Variants in SLC26A5 observed in about 807,000 individuals in gnomAD.
SLC26A5 encodes the protein prestin.
In SLC26A5, 51 loss-of-function variants were observed where a neutral mutation model predicts 81.0. The ratio of observed to expected loss-of-function variants is 0.63; its 90% CI spans 0.50 to 0.80. The LOEUF (loss-of-function observed/expected upper bound fraction) is 0.80, where lower values mean the gene tolerates loss of function less well. Ranked by LOEUF, SLC26A5 falls within the 30% of genes least tolerant of loss-of-function variation. The probability of loss-of-function intolerance (pLI) is 0.00; values close to 1 mark genes in which losing one functional copy is unlikely to be tolerated. For missense variants in SLC26A5, 771 were observed against 905.8 expected (o/e 0.85, Z 1.91); for synonymous variants, 325 against 332.8 (o/e 0.98, Z 0.25).
At chr7:103,368,057 C>G in intron 19 of SLC26A5, 1 of 1,594,840 alleles carries the variant, frequency 6.3e-7, no homozygotes, top group South Asian at 1.1e-5. Flanking sequence ...ACAACTGAAC[C>G]CTGAAGGCTT....
At chr7:103,364,088 G>C in intron 19 of SLC26A5, 1 of 1,534,210 alleles carries the variant, frequency 6.5e-7, no homozygotes, top group Non-Finnish European at 8.9e-7. Flanking sequence ...TTTAGAAGTA[G>C]TCTGATTTTT....
In SLC26A5 at chr7:103,367,809, G is replaced by GGTAA. The variant is rs768392490; in HGVS notation, c.2041+8995_2041+8998dup. On this transcript the variant is annotated intron_variant, in intron 19 of 19. Coordinates refer to the SLC26A5 transcript ENST00000339444. The surrounding 1 kb of genome is among the most constrained non-coding windows in gnomAD (Gnocchi z 6.1). ...AGCACGACTGTGTCCAAATAGCACT[G>GGTAA]GTAAGTAGAAAGTTCTTGCTTATAT... 1.9e-6 allele frequency: 3 copies of GGTAA among 1,612,936 alleles called. No homozygotes were observed. Among genetic ancestry groups the GGTAA allele is most frequent in the Admixed American group, 1.7e-5 (1 of 59,900 alleles).
chr7:103,405,796 G>A (rs1345841066), intron 8 of SLC26A5, among the ~76,000 whole-genome samples: 1 of 152,174 alleles, frequency 6.6e-6, no homozygotes, highest in Non-Finnish European at 1.5e-5. Flanking sequence ...CTTCCCCCAG[G>A]TTCTCTGTCC....
chr7:103,369,518 A>G (rs1820905675), downstream of SLC26A5: 1 of 152,268 alleles, frequency 6.6e-6, no homozygotes, highest in Non-Finnish European at 1.5e-5. Flanking sequence ...GTGATAATTT[A>G]GGTCCATAAG....
At chr7:103,443,410 G>A (rs544212488) in intron 1 of SLC26A5, among the ~76,000 whole-genome samples, 199 bp from the exon 2 acceptor site, 4 of 152,298 alleles carry the variant, frequency 2.6e-5, no homozygotes, top group African/African-American at 7.2e-5. Context: ...CTTCCTAAGG[G>A]TGAACTGCTA....
chr7:103,380,158 T>C (rs907612272), intron 15 of SLC26A5, among the ~76,000 whole-genome samples: 1 of 152,210 alleles, frequency 6.6e-6, no homozygotes, highest in Non-Finnish European at 1.5e-5. Flanking sequence ...AAAATTATTT[T>C]ACCATTATAC....
At chr7:103,393,148 T>C (rs1822809596) in intron 9 of SLC26A5, 82 bp from the exon 10 acceptor site, 5 of 1,528,800 alleles carry the variant, frequency 3.3e-6, no homozygotes, top group Admixed American at 1.8e-5. Flanking sequence ...GGAAGCATTT[T>C]AGGGGGGCAT....
intron 2 of SLC26A5, among the ~76,000 whole-genome samples, chr7:103,428,504 T>C (rs1825848506): frequency 6.6e-6 from 1 of 152,010 alleles, no homozygotes; most frequent in South Asian, 2.1e-4. Flanking sequence ...GTTTGCTTTT[T>C]CTCTTAATTT....
chr7:103,414,189 C>T (rs948959354), intron 4 of SLC26A5, among the ~76,000 whole-genome samples: 2 of 136,282 alleles, frequency 1.5e-5, no homozygotes, highest in African/African-American at 5.6e-5. Context: ...TTTGCCCCCC[C>T]CTTTTTTTTT....
At chr7:103,361,324 C>T (rs1461522181) in intron 19 of SLC26A5, among the ~76,000 whole-genome samples, 1 of 147,450 alleles carries the variant, frequency 6.8e-6, no homozygotes, top group Non-Finnish European at 1.5e-5. Flanking sequence ...TCAAGAGAAA[C>T]CCCCTCTCTA....
At chr7:103,436,443 C>G (rs1826459381) in intron 2 of SLC26A5, among the ~76,000 whole-genome samples, 1 of 152,104 alleles carries the variant, frequency 6.6e-6, no homozygotes, top group African/African-American at 2.4e-5. Context: ...TCTAAACTAC[C>G]AATTAAACGT....
At chr7:103,434,673 A>C (rs983985835) in intron 2 of SLC26A5, among the ~76,000 whole-genome samples, 1 of 151,892 alleles carries the variant, frequency 6.6e-6, no homozygotes, top group African/African-American at 2.4e-5. Flanking sequence ...ATTTATTGAG[A>C]CAAAGTCTCA....
At chr7:103,417,105 C>T (rs901390117) in intron 4 of SLC26A5, among the ~76,000 whole-genome samples, 4 of 152,216 alleles carry the variant, frequency 2.6e-5, no homozygotes, top group Non-Finnish European at 5.9e-5. Flanking sequence ...GGCACAGTGG[C>T]TCACCCCTGT....
intron 1 of SLC26A5, among the ~76,000 whole-genome samples, chr7:103,444,570 G>A (rs898662901): frequency 1.3e-5 from 2 of 152,172 alleles, no homozygotes. Flanking sequence ...TTAGCAAAGC[G>A]CCTCTATGCG....
chr7:103,422,601 G>A lies in SLC26A5; in HGVS notation c.-53-1034C>T, dbSNP rs137867845. Among the ~76,000 whole-genome samples, 418 of 152,244 alleles carry A rather than the reference G, an allele frequency of 2.7e-3. 4 individuals carry two copies. Among genetic ancestry groups the A allele is most frequent in the African/African-American group, 9.7e-3 (402 of 41,566 alleles). ...AGAGAGAGGGAAATGAGACTAAGAA[G>A]GGATAGTAGAGGGCTTCTACTAACT... On this transcript the variant is annotated intron_variant, in intron 2 of 19. Coordinates refer to ENST00000306312, the MANE Select transcript of SLC26A5 (RefSeq NM_198999.3).
At chr7:103,368,699 G>T (rs1055393280) in intron 19 of SLC26A5, 1 of 152,044 alleles carries the variant, frequency 6.6e-6, no homozygotes. Flanking sequence ...CAGTAAAGTG[G>T]TGCAATAAAG....
chr7:103,379,220 A>G, intron 16 of SLC26A5, 23 bp downstream of exon 16: 1 of 1,546,938 alleles, frequency 6.5e-7, no homozygotes. Context: ...ATCCTCAGAA[A>G]TAATCAATTT....
chr7:103,415,582 A>G (rs1262713929), intron 4 of SLC26A5, among the ~76,000 whole-genome samples: 1 of 152,208 alleles, frequency 6.6e-6, no homozygotes, highest in African/African-American at 2.4e-5. Context: ...CCCCAACAAC[A>G]GAGTAAATGG....
chr7:103,439,868 T>A (rs969481112), intron 2 of SLC26A5, among the ~76,000 whole-genome samples: 1 of 152,182 alleles, frequency 6.6e-6, no homozygotes, highest in Non-Finnish European at 1.5e-5. Context: ...CAAGCACTTG[T>A]CTGCCTCAGG....
Sources: gnomAD v4.1 joint callset for allele counts (sites outside exome capture counted in the v4.1 genomes callset) on GRCh38, gnomAD v4.1.1 for gene constraint, Gnocchi (gnomAD v3.1) non-coding constraint, MANE v1.5 for transcripts, NCBI Gene and HGNC (gene_info 2026-07-23, HGNC 2026-07-21) for gene names.